BCAT1: variants seen among roughly 807,000 people sequenced by gnomAD.
BCAT1 encodes the protein branched-chain-amino-acid aminotransferase, cytosolic.
Under a neutral mutation model 52.4 loss-of-function variants are expected in BCAT1, and 48 were observed. The observed-to-expected ratio is 0.92, with a 90% CI of 0.73 to 1.16. BCAT1 has a LOEUF of 1.16. BCAT1 is among the 50% of genes most tolerant of loss of function. BCAT1 has a pLI of 0.00. For missense variants in BCAT1, 451 were observed against 457.1 expected (o/e 0.99, Z 0.12); for synonymous variants, 167 against 161.3 (o/e 1.04, Z -0.27).
chr12:24,931,407 G>C (rs11047707), intron 1 of BCAT1, among the ~76,000 whole-genome samples: 58,856 of 151,818 alleles, frequency 0.39, 12,050 homozygotes, highest in Middle Eastern at 0.64. Flanking sequence ...TGAGAAAAGA[G>C]GGAAAGCAGA....
At chr12:24,899,835 TAAA>T (rs34780543) in intron 2 of BCAT1, among the ~76,000 whole-genome samples, 6,798 of 146,518 alleles carry the variant, frequency 0.046, 222 homozygotes, top group African/African-American at 0.091. Flanking sequence ...ACGTGAGAGC[TAAA>T]AAAAAAAGTT....
At chr12:24,835,865 A>C (rs1940899014) in intron 8 of BCAT1, among the ~76,000 whole-genome samples, 1 of 152,182 alleles carries the variant, frequency 6.6e-6, no homozygotes, top group Non-Finnish European at 1.5e-5. Context: ...TGCTAGAATT[A>C]TAGGCATGAA....
intron 1 of BCAT1, among the ~76,000 whole-genome samples, chr12:24,921,739 T>G (rs895576842): frequency 3.3e-5 from 5 of 152,194 alleles, no homozygotes; most frequent in African/African-American, 1.2e-4. Flanking sequence ...TAAGATGGGT[T>G]GGTACCTTTT....
At chr12:24,833,817 TCTTTC>T (rs1423487126) in intron 8 of BCAT1, 1 of 146,032 alleles carries the variant, frequency 6.8e-6, no homozygotes, top group African/African-American at 2.5e-5. Flanking sequence ...TACGTTTGTC[TCTTTC>T]TTTTTTTTTT....
chr12:24,935,857 A>G (rs924359202), intron 1 of BCAT1, among the ~76,000 whole-genome samples: 2 of 152,170 alleles, frequency 1.3e-5, no homozygotes, highest in African/African-American at 2.4e-5. Flanking sequence ...TTCCCTAAAC[A>G]TGGTCCTCAT....
intron 7 of BCAT1, among the ~76,000 whole-genome samples, chr12:24,836,827 A>AAGGAAGGAAGAAAG (rs1472057633): frequency 1.5e-5 from 2 of 132,816 alleles, no homozygotes; most frequent in African/African-American, 2.7e-5. Flanking sequence ...GGAAAGAAGG[A>AAGGAAGGAAGAAAG]AGGAAGGAAG....
At chr12:24,889,994 C>T (rs1251393040) in intron 3 of BCAT1, among the ~76,000 whole-genome samples, 1 of 152,128 alleles carries the variant, frequency 6.6e-6, no homozygotes, top group South Asian at 2.1e-4. Flanking sequence ...TGGCACACCC[C>T]GGGAGGGCAT....
At chr12:24,861,949 A>T (rs2139519963) in intron 5 of BCAT1, among the ~76,000 whole-genome samples, 1 of 152,332 alleles carries the variant, frequency 6.6e-6, no homozygotes, top group Admixed American at 6.5e-5. Context: ...AGCATGCTAA[A>T]AGACATTCCC....
Position 24,817,735 on chromosome 12 carries a change from T to C in BCAT1, c.*273A>G. Reference sequence around the variant, plus strand: ...TGAAGTACAAAAGGAGGCACTAAAATCATTGAGGAAAATCCCATGTTATAT... The same window carrying C: ...TGAAGTACAAAAGGAGGCACTAAAACCATTGAGGAAAATCCCATGTTATAT... On this transcript the variant is annotated 3_prime_UTR_variant, in exon 11 of 11. Coordinates refer to ENST00000261192, the MANE Select transcript of BCAT1 (RefSeq NM_005504.7). 2.6e-6 allele frequency: 1 copy of C among 385,144 alleles called. No individual in the cohort carries two copies. The highest frequency in any genetic ancestry group is 4.7e-6 in the Non-Finnish European group (1 of 212,010). 23.9% of individuals were successfully genotyped at this position (385,144 alleles called of 1,614,324 possible). A position where few individuals can be genotyped will look rare whatever the true frequency, so the allele number is the denominator to read the frequency against.
chr12:24,849,749 G>A, intron 6 of BCAT1, 37 bp downstream of exon 6: 3 of 1,573,474 alleles, frequency 1.9e-6, no homozygotes, highest in Non-Finnish European at 1.7e-6. Context: ...GGTCATGAAG[G>A]TGTCTTTCCT....
chr12:24,903,235 C>T (rs1292251291), intron 1 of BCAT1: 4 of 805,870 alleles, frequency 5.0e-6, no homozygotes, highest in Non-Finnish European at 6.7e-6. Context: ...AGCGGTTGTC[C>T]CTGTCACCGG....
intron 5 of BCAT1, among the ~76,000 whole-genome samples, chr12:24,860,375 A>G (rs1336599541): frequency 6.6e-6 from 1 of 151,800 alleles, no homozygotes; most frequent in Non-Finnish European, 1.5e-5. Flanking sequence ...CCTTTGTTTC[A>G]TTTTTCAGAG....
intron 6 of BCAT1, among the ~76,000 whole-genome samples, chr12:24,845,248 G>A (rs976849472): frequency 1.3e-5 from 2 of 149,644 alleles, no homozygotes; most frequent in African/African-American, 2.4e-5. Flanking sequence ...ATTAAAAGAC[G>A]CTTAAAACAT....
intron 3 of BCAT1, among the ~76,000 whole-genome samples, chr12:24,884,879 T>C (rs980758394): frequency 2.0e-5 from 3 of 152,208 alleles, no homozygotes; most frequent in African/African-American, 7.2e-5. Flanking sequence ...ATGTATCTGA[T>C]AAAATCAAAC....
intron 1 of BCAT1, 119 bp from the exon 2 acceptor site, chr12:24,902,004 A>G (rs1424909702): frequency 6.3e-7 from 1 of 1,594,360 alleles, no homozygotes. Flanking sequence ...GGCAAACACA[A>G]AAAAGGAGGC....
In BCAT1 at chr12:24,949,028, G is replaced by T; in HGVS notation, c.-96C>A. ...TGTGGACCGGGTCTGCGGCTGCAGA[G>T]CGCGGTCCCGGCTGCAGCAAGACCT... On this transcript the variant is annotated 5_prime_UTR_variant, in exon 1 of 11. Transcript: ENST00000261192. 1 of 1,356,588 alleles carries T rather than the reference G, an allele frequency of 7.4e-7. No homozygotes were observed. The highest frequency in any genetic ancestry group is 1.0e-6 in the Non-Finnish European group (1 of 975,976). The allele number at this position is 1,356,588 out of a possible 1,614,324, so 84.0% of individuals were successfully genotyped here. A position where few individuals can be genotyped will look rare whatever the true frequency, so the allele number is the denominator to read the frequency against.
chr12:24,894,677 G>C (rs1344538282), intron 2 of BCAT1, among the ~76,000 whole-genome samples: 1 of 152,138 alleles, frequency 6.6e-6, no homozygotes, highest in East Asian at 1.9e-4. Flanking sequence ...AATGTACACT[G>C]CCTAATAGAA....
At chr12:24,820,902 C>T (rs888587432) in intron 10 of BCAT1, among the ~76,000 whole-genome samples, 11 of 151,992 alleles carry the variant, frequency 7.2e-5, no homozygotes, top group African/African-American at 2.4e-4. Context: ...CTACGCAACG[C>T]CAATAAAACT....
At chr12:24,877,518 T>G (rs1942380621) in intron 5 of BCAT1, among the ~76,000 whole-genome samples, 1 of 152,188 alleles carries the variant, frequency 6.6e-6, no homozygotes, top group Admixed American at 6.5e-5. Flanking sequence ...CAGGAAATCA[T>G]AAGGTCATGT....
Sources: gnomAD v4.1 joint callset for allele counts (sites outside exome capture counted in the v4.1 genomes callset) on GRCh38, gnomAD v4.1.1 for gene constraint, MANE v1.5 for transcripts, NCBI Gene and HGNC (gene_info 2026-07-23, HGNC 2026-07-21) for gene names.